SEPTIN9: variants seen among roughly 807,000 people sequenced by gnomAD.
The protein encoded by SEPTIN9 is septin 9, also known as septin-9.
A neutral mutation model predicts 56.6 loss-of-function variants in SEPTIN9; 13 were observed. The ratio of observed to expected loss-of-function variants is 0.23; its 90% CI spans 0.15 to 0.37. The LOEUF is 0.37. SEPTIN9 is among the 10% of genes least tolerant of loss of function. SEPTIN9 has a pLI of 1.00. For missense variants in SEPTIN9, 650 were observed against 823.1 expected (o/e 0.79, Z 2.57); for synonymous variants, 332 against 334.1 (o/e 0.99, Z 0.07).
At position 77,405,651 on chromosome 17, in the gene SEPTIN9, A is replaced by G. The variant is rs556858116; in HGVS notation, c.721+2948A>G. Among the ~76,000 whole-genome samples, 13 of 151,584 alleles carry G rather than the reference A, an allele frequency of 8.6e-5. No homozygotes were observed. In the South Asian group the frequency reaches 2.3e-3, roughly 27 times the overall value. ...GACAGACGAGGGCAGGGCCTTCCCA[A>G]TGGAGGAGTGCTCTTGAAATCCGAT... On this transcript the variant is annotated intron_variant, in intron 3 of 11. Transcript: ENST00000427177. The surrounding 1 kb of genome is among the most constrained non-coding windows in gnomAD (Gnocchi z 5.8).
rs548923976 is a variant in SEPTIN9, at chr17:77,434,972, C to A, written c.721+32269C>A. 5.9e-5 allele frequency among the ~76,000 whole-genome samples: 9 copies of A among 152,270 alleles called. No homozygotes were observed. In the South Asian group the frequency reaches 1.9e-3, roughly 32 times the overall value. ...CAGGCTGCCGGTGCTGGACGGGGCC[C>A]TGGCAACCGTGGCAGGAGTGGTGAT... On this transcript the variant is annotated intron_variant, in intron 3 of 11. Transcript: ENST00000427177. This position sits in a 1 kb window ranked among gnomAD's most constrained non-coding sequence, Gnocchi z 5.0.
intron 1 of SEPTIN9, among the ~76,000 whole-genome samples, chr17:77,293,990 G>T (rs539853981): frequency 2.0e-5 from 3 of 152,016 alleles, no homozygotes; most frequent in Non-Finnish European, 2.9e-5. Context: ...TGTAGTCCCA[G>T]TTACTTAGGA....
Position 77,310,069 on chromosome 17 carries a change from C to T in SEPTIN9, c.76+2872C>T, listed in dbSNP as rs1397107641. Among the ~76,000 whole-genome samples, 2 of 152,062 alleles carry T rather than the reference C, an allele frequency of 1.3e-5. No individual in the cohort carries two copies. The highest frequency in any genetic ancestry group is 2.9e-5 in the Non-Finnish European group (2 of 68,014). On this transcript the variant is annotated intron_variant, in intron 2 of 11. Coordinates refer to ENST00000427177, the MANE Select transcript of SEPTIN9 (RefSeq NM_001113491.2). The surrounding 1 kb of genome is among the most constrained non-coding windows in gnomAD (Gnocchi z 4.7). The stretch of plus-strand genomic sequence containing the variant: ...TCTCGGCTCACTGCAACCTCTGCCT[C>T]CTGGGTTCAAGCGATTCTTCTGCCT...
chr17:77,470,975 T>C (rs2038972255), intron 3 of SEPTIN9: 1 of 152,266 alleles, frequency 6.6e-6, no homozygotes. Flanking sequence ...GCGATGGCAC[T>C]GTGGGCCCAC....
At position 77,453,107 on chromosome 17, in the gene SEPTIN9, CT is replaced by C. The variant is rs2038048838; in HGVS notation, c.722-29036del. On this transcript the variant is annotated intron_variant, in intron 3 of 11. Transcript: ENST00000427177. This position sits in a 1 kb window ranked among gnomAD's most constrained non-coding sequence, Gnocchi z 4.4. Reference sequence around the variant, plus strand: ...TTTGTGTTCCCACTAGCCCCCGCCCCTGTAGGCTGTCATTGTGATGGTGATG... The same window carrying C: ...TTTGTGTTCCCACTAGCCCCCGCCCCGTAGGCTGTCATTGTGATGGTGATG... Among the ~76,000 whole-genome samples the C allele has an allele frequency of 6.6e-6, 1 of 152,028 alleles. No homozygotes were observed. The highest frequency in any genetic ancestry group is 2.4e-5 in the African/African-American group (1 of 41,368).
rs149946258 is a variant in SEPTIN9, at chr17:77,486,230, G to A, written c.914-1194G>A. Among the ~76,000 whole-genome samples the A allele has an allele frequency of 1.4e-3, 213 of 152,162 alleles. 1 individual carries two copies. The highest frequency in any genetic ancestry group is 6.8e-3 in the Middle Eastern group (2 of 294). On this transcript the variant is annotated intron_variant, in intron 4 of 11. Coordinates refer to ENST00000427177, the MANE Select transcript of SEPTIN9 (RefSeq NM_001113491.2). ...CAATTCTCCTACTTCAGCCTCCTGC[G>A]TAGCTGGGACTATAGGTGCTCGCCA...
At chr17:77,395,388 C>T (rs867653905) in intron 2 of SEPTIN9, among the ~76,000 whole-genome samples, 91 of 152,026 alleles carry the variant, frequency 6.0e-4, no homozygotes, top group African/African-American at 1.9e-3. Context: ...ATTAGCCAGA[C>T]GTGGTGGCCG....
Position 77,450,457 on chromosome 17 carries a change from G to A in SEPTIN9, c.722-31687G>A. ...GTGAATCCCTCCCAGCCCCCAGCAA[G>A]CCCTCGGAACGAGCCCACTCCCAGG... On this transcript the variant is annotated intron_variant, in intron 3 of 11. Transcript: ENST00000427177. This position sits in a 1 kb window ranked among gnomAD's most constrained non-coding sequence, Gnocchi z 6.0. The A allele has an allele frequency of 1.0e-6, 1 of 984,594 alleles. No individual in the cohort carries two copies. 61.0% of individuals were successfully genotyped at this position (984,594 alleles called of 1,614,324 possible). A position where few individuals can be genotyped will look rare whatever the true frequency, so the allele number is the denominator to read the frequency against.
chr17:77,316,262 C>T lies in SEPTIN9; in HGVS notation c.76+9065C>T, dbSNP rs151192923. Among the ~76,000 whole-genome samples the T allele has an allele frequency of 1.2e-3, 184 of 152,310 alleles. 3 individuals are homozygous for T. The East Asian group carries it at 0.03, about 25-fold the overall frequency. On this transcript the variant is annotated intron_variant, in intron 2 of 11. Transcript: ENST00000427177. ...GTGAGAGGTTGGCCCTCGCCTCCCC[C>T]ACCCTCTGCTGGCCTTACCTCACCA...
intron 2 of SEPTIN9, among the ~76,000 whole-genome samples, chr17:77,392,790 C>T (rs2035586986): frequency 6.6e-6 from 1 of 152,132 alleles, no homozygotes; most frequent in African/African-American, 2.4e-5. Flanking sequence ...GCCTTCTGTT[C>T]ACGTTGTCCC....
intron 3 of SEPTIN9, among the ~76,000 whole-genome samples, chr17:77,413,696 G>C (rs1172801261): frequency 6.6e-6 from 1 of 152,166 alleles, no homozygotes; most frequent in African/African-American, 2.4e-5. Context: ...ACGGGACTGG[G>C]TCTAGGGGGC....
intron 2 of SEPTIN9, among the ~76,000 whole-genome samples, chr17:77,368,994 C>A (rs1036707845): frequency 2.0e-5 from 3 of 152,224 alleles, no homozygotes; most frequent in African/African-American, 7.2e-5. Flanking sequence ...GTAATCCCAG[C>A]ACTTTGGGAG....
chr17:77,375,465 A>G (rs765529937), intron 2 of SEPTIN9: 3 of 152,188 alleles, frequency 2.0e-5, no homozygotes, highest in Admixed American at 6.5e-5. Context: ...TACAGCTGTC[A>G]CCATTTGCAC....
chr17:77,422,661 G>A (rs2036747334), intron 3 of SEPTIN9, among the ~76,000 whole-genome samples: 3 of 152,040 alleles, frequency 2.0e-5, no homozygotes, highest in Admixed American at 2.0e-4. Context: ...ATGGTGCAGG[G>A]GTCCATCCCC....
At chr17:77,302,418 G>A (rs898329882) in intron 1 of SEPTIN9, among the ~76,000 whole-genome samples, 10 of 152,302 alleles carry the variant, frequency 6.6e-5, no homozygotes, top group African/African-American at 1.7e-4. Context: ...GGTGGCTCAC[G>A]TCTGTAATCC....
At chr17:77,390,558 T>C (rs2035504956) in intron 2 of SEPTIN9, among the ~76,000 whole-genome samples, 1 of 149,308 alleles carries the variant, frequency 6.7e-6, no homozygotes, top group South Asian at 2.1e-4. Flanking sequence ...TTCACGCCAT[T>C]CTCCTGCCTC....
chr17:77,479,475 C>T (rs777261110), intron 3 of SEPTIN9, among the ~76,000 whole-genome samples: 3 of 152,222 alleles, frequency 2.0e-5, no homozygotes, highest in Non-Finnish European at 4.4e-5. Flanking sequence ...GGCCGCCTCT[C>T]GAGGGAGGGG....
At chr17:77,375,441 G>A (rs2034886432) in intron 2 of SEPTIN9, 1 of 152,264 alleles carries the variant, frequency 6.6e-6, no homozygotes, top group Admixed American at 6.5e-5. Context: ...CAGGGTTTGG[G>A]GTTGTGTTCG....
chr17:77,475,895 A>G lies in SEPTIN9; in HGVS notation c.722-6249A>G, dbSNP rs1307178434. The G allele has an allele frequency of 6.2e-7, 1 of 1,610,804 alleles. No individual in the cohort carries two copies. Among genetic ancestry groups the G allele is most frequent in the Admixed American group, 1.7e-5 (1 of 59,980 alleles). On this transcript the variant is annotated intron_variant, in intron 3 of 11. Transcript: ENST00000427177. This position sits in a 1 kb window ranked among gnomAD's most constrained non-coding sequence, Gnocchi z 4.6. ...TTCTGCTTGGCCACCATTGGCAGTG[A>G]CAGACAAGGTGTGTGGGGATGTGGC...
Sources: allele counts gnomAD v4.1 joint callset (sites outside exome capture counted in the v4.1 genomes callset), GRCh38; gene constraint gnomAD v4.1.1; non-coding constraint Gnocchi (gnomAD v3.1); transcripts MANE v1.5; gene names NCBI Gene and HGNC (gene_info 2026-07-23, HGNC 2026-07-21).